ADAM18: variants seen among roughly 807,000 people sequenced by gnomAD.
ADAM18 encodes the protein disintegrin and metalloproteinase domain-containing protein 18.
In ADAM18, 117 loss-of-function variants were observed where a neutral mutation model predicts 94.4. The observed-to-expected ratio is 1.24, with a 90% CI of 1.07 to 1.45. ADAM18 has a LOEUF of 1.45. Among genes scored for constraint, ADAM18 ranks in the 40% most tolerant of loss-of-function variants. The pLI, the probability that ADAM18 is intolerant of heterozygous loss-of-function variation, is 0.00. For missense variants in ADAM18, 936 were observed against 880.0 expected, an observed-to-expected ratio of 1.06 and a Z score of -0.81; for synonymous variants, 327 against 291.6, an observed-to-expected ratio of 1.12 and a Z score of -1.24.
At chr8:39,639,948 C>T (rs888552679) in intron 10 of ADAM18, among the ~76,000 whole-genome samples, 5 of 151,820 alleles carry the variant, frequency 3.3e-5, no homozygotes, top group Non-Finnish European at 5.9e-5. Flanking sequence ...AAATGAGCTC[C>T]TATAATTTAC....
At position 39,669,376 on chromosome 8, in the gene ADAM18, T is replaced by C. The variant is rs1345729621; in HGVS notation, c.1525+1180T>C. On this transcript the variant is annotated intron_variant, in intron 14 of 19. Coordinates refer to ENST00000265707, the MANE Select transcript of ADAM18 (RefSeq NM_014237.3). ...ATGTGCACAACATGCAGGTTTGTTA[T>C]ATATGTATACATGTGCCATGTTGGT... Among the ~76,000 whole-genome samples the C allele has an allele frequency of 7.3e-5, 11 of 151,490 alleles. No homozygotes were observed. In the South Asian group the frequency reaches 2.3e-3, roughly 32 times the overall value.
At chr8:39,610,484 T>G (rs1819238881) in intron 5 of ADAM18, 45 bp from the exon 6 acceptor site, 2 of 1,540,784 alleles carry the variant, frequency 1.3e-6, no homozygotes, top group Admixed American at 3.9e-5. Flanking sequence ...AGGGATCATT[T>G]GTGAGATTTT....
intron 2 of ADAM18, among the ~76,000 whole-genome samples, chr8:39,586,781 T>TATC (rs1563263483): frequency 7.6e-6 from 1 of 131,554 alleles, no homozygotes; most frequent in Non-Finnish European, 1.8e-5. Context: ...TCTATCTATC[T>TATC]ATCTATCTAT....
At chr8:39,729,870 C>A (rs751518432) in intron 19 of ADAM18, 28 bp from the exon 20 acceptor site, 2 of 1,601,768 alleles carry the variant, frequency 1.2e-6, no homozygotes, top group Middle Eastern at 1.7e-4. Flanking sequence ...TTGTGAATTT[C>A]TATTTTTTCT....
chr8:39,607,742 AT>A (rs35507114), intron 3 of ADAM18, among the ~76,000 whole-genome samples: 4,617 of 130,242 alleles, frequency 0.035, 242 homozygotes, highest in African/African-American at 0.11. Flanking sequence ...TCCTTTCTCT[AT>A]TTTTTTTTTT....
intron 6 of ADAM18, among the ~76,000 whole-genome samples, chr8:39,626,079 CTCAA>C (rs1288438348): frequency 6.6e-6 from 1 of 152,078 alleles, no homozygotes; most frequent in Non-Finnish European, 1.5e-5. Flanking sequence ...AAATTAGTGA[CTCAA>C]TCTCACTGAT....
chr8:39,671,402 G>A (rs776191517), intron 14 of ADAM18, among the ~76,000 whole-genome samples: 8 of 152,108 alleles, frequency 5.3e-5, no homozygotes, highest in Admixed American at 1.3e-4. Context: ...TAACAAAAGG[G>A]CATGCATTTG....
At chr8:39,626,693 T>C (rs1819779704) in intron 6 of ADAM18, among the ~76,000 whole-genome samples, 2 of 152,146 alleles carry the variant, frequency 1.3e-5, no homozygotes, top group African/African-American at 4.8e-5. Flanking sequence ...TTGTTTAAAA[T>C]TCTTGTATTT....
intron 12 of ADAM18, among the ~76,000 whole-genome samples, chr8:39,654,935 A>T (rs1820644588): frequency 6.6e-6 from 1 of 152,078 alleles, no homozygotes; most frequent in African/African-American, 2.4e-5. Context: ...CTTTTATATT[A>T]AGCTATTATC....
At chr8:39,618,126 C>T (rs998217467) in intron 6 of ADAM18, among the ~76,000 whole-genome samples, 11 of 151,932 alleles carry the variant, frequency 7.2e-5, no homozygotes, top group Admixed American at 6.6e-4. Context: ...CAATAAAAAC[C>T]AAAATAAATT....
chr8:39,584,710 G>A lies in ADAM18; in HGVS notation c.55+33G>A, dbSNP rs543886224. 2.4e-5 allele frequency: 39 copies of A among 1,607,184 alleles called. 1 individual carries two copies. Among genetic ancestry groups the A allele is most frequent in the South Asian group, 2.1e-4 (19 of 91,020 alleles). ...CATGGGAGCCTCCCCTTTCTTCTTC[G>A]ACTTTATAGCTGGGCTGGGCTCTTA... On this transcript the variant is annotated intron_variant, in intron 1 of 19. Transcript: ENST00000265707.
chr8:39,648,343 G>A lies in ADAM18; in HGVS notation c.1047-1G>A. The A allele has an allele frequency of 6.3e-7, 1 of 1,583,718 alleles. No homozygotes were observed. Among genetic ancestry groups the A allele is most frequent in the Non-Finnish European group, 8.6e-7 (1 of 1,165,246 alleles). ...GCCTGAGGAATATTATTTTATTTTA[G>A]GAGTGCCAGTGGTAGAAAGATTTTT... is the stretch of plus-strand genomic sequence containing the variant. On this transcript the variant is annotated splice_acceptor_variant, in intron 11 of 19. Coordinates refer to ENST00000265707, the MANE Select transcript of ADAM18 (RefSeq NM_014237.3). LOFTEE classifies it high-confidence loss of function.
In ADAM18 at chr8:39,706,839, C is replaced by T; in HGVS notation, c.1952C>T (p.Pro651Leu). 1 of 1,610,962 alleles carries T rather than the reference C, an allele frequency of 6.2e-7. No individual in the cohort carries two copies. The highest frequency in any genetic ancestry group is 8.5e-7 in the Non-Finnish European group (1 of 1,177,884). ...NCQCFPGHRP[P>L]DCKFQFGSPG... ...CAATGCTTCCCTGGACATAGACCTC[C>T]AGATTGTAAATTCCAGTTTGGTTCC... Residue 651 changes from proline (P) to leucine (L), a missense_variant, in exon 18 of 20, where the codon CCA becomes CTA. Coordinates refer to ENST00000265707, the MANE Select transcript of ADAM18 (RefSeq NM_014237.3).
At position 39,609,037 on chromosome 8, in the gene ADAM18, T is replaced by C; in HGVS notation, c.189-5T>C. 1 of 1,525,412 alleles carries C rather than the reference T, an allele frequency of 6.6e-7. No individual in the cohort carries two copies. The highest frequency in any genetic ancestry group is 8.9e-7 in the Non-Finnish European group (1 of 1,122,520). The allele number at this position is 1,525,412 out of a possible 1,614,324, so 94.5% of individuals were successfully genotyped here. A position where few individuals can be genotyped will look rare whatever the true frequency, so the allele number is the denominator to read the frequency against. The stretch of plus-strand genomic sequence containing the variant: ...ATACTTTTTTATTATTTCTTGGTTT[T>C]TTAGATCATTCTTACCCCAGAACTT... On this transcript the variant is annotated splice_region_variant and splice_polypyrimidine_tract_variant and intron_variant, in intron 3 of 19. Coordinates refer to ENST00000265707, the MANE Select transcript of ADAM18 (RefSeq NM_014237.3).
intron 12 of ADAM18, among the ~76,000 whole-genome samples, chr8:39,659,524 A>ATATT (rs979317519): frequency 6.6e-6 from 1 of 152,140 alleles, no homozygotes; most frequent in Non-Finnish European, 1.5e-5. Context: ...AACTTAATAT[A>ATATT]ATCAATGAGA....
At chr8:39,599,271 A>G (rs7830299) in intron 2 of ADAM18, among the ~76,000 whole-genome samples, 123 of 152,348 alleles carry the variant, frequency 8.1e-4, no homozygotes, top group African/African-American at 2.8e-3. Context: ...AAAAATTTGT[A>G]TAAAATATGT....
chr8:39,664,305 G>A (rs527705599), intron 13 of ADAM18, among the ~76,000 whole-genome samples: 88 of 151,952 alleles, frequency 5.8e-4, no homozygotes, highest in African/African-American at 2.0e-3. Context: ...TATTTACATA[G>A]CATTTATATT....
rs1227915432 is a variant in ADAM18, at chr8:39,684,110, C to T, written c.1821+3884C>T. On this transcript the variant is annotated intron_variant, in intron 16 of 19. Transcript: ENST00000265707. ...TCACACCACTACACTCCAGTCTGGT[C>T]AACAAAGCAAGACCTTATCTCAAAA... Among the ~76,000 whole-genome samples the T allele has an allele frequency of 2.0e-5, 3 of 152,042 alleles. No homozygotes were observed. The South Asian group carries it at 6.2e-4, about 32-fold the overall frequency.
chr8:39,696,926 G>A (rs1327685923), intron 17 of ADAM18, among the ~76,000 whole-genome samples: 1 of 151,548 alleles, frequency 6.6e-6, no homozygotes, highest in Non-Finnish European at 1.5e-5. Context: ...TTTTGATCAA[G>A]ATTGTTATGA....
Sources: allele counts gnomAD v4.1 joint callset (sites outside exome capture counted in the v4.1 genomes callset), GRCh38; gene constraint gnomAD v4.1.1; transcripts MANE v1.5; gene names NCBI Gene and HGNC (gene_info 2026-07-23, HGNC 2026-07-21).